CA10: variants seen among roughly 807,000 people sequenced by gnomAD.
CA10 encodes carbonic anhydrase-related protein 10.
A neutral mutation model predicts 44.2 loss-of-function variants in CA10; 14 were observed. The ratio of observed to expected loss-of-function variants is 0.32; its 90% CI spans 0.21 to 0.50. The LOEUF is 0.50. Ranked by LOEUF, CA10 falls within the 20% of genes least tolerant of loss-of-function variation. The pLI, the probability that CA10 is intolerant of heterozygous loss-of-function variation, is 0.99. For missense variants in CA10, 350 were observed against 409.7 expected (o/e 0.85, Z 1.26); for synonymous variants, 159 against 141.6 (o/e 1.12, Z -0.87).
chr17:52,038,905 TATATTTCAAGAA>T (rs1420705524), intron 2 of CA10, among the ~76,000 whole-genome samples: 1 of 152,200 alleles, frequency 6.6e-6, no homozygotes, highest in Non-Finnish European at 1.5e-5. Context: ...AATAACATGG[TATATTTCAAGAA>T]GTATTTCAAA....
chr17:51,929,931 A>G (rs1267803295), intron 3 of CA10, among the ~76,000 whole-genome samples: 1 of 152,186 alleles, frequency 6.6e-6, no homozygotes, highest in Non-Finnish European at 1.5e-5. Context: ...ACCACATGCA[A>G]TGTCTTTTAA....
chr17:51,917,623 A>G lies in CA10; in HGVS notation c.279+13367T>C, dbSNP rs1159604707. ...GAAAAAGTGTCAGCAGACAAGTCAC[A>G]TGGCAAAAGCAGGAACAAGAGCCAG... On this transcript the variant is annotated intron_variant, in intron 3 of 8. Transcript: ENST00000451037. Among the ~76,000 whole-genome samples the G allele has an allele frequency of 3.9e-5, 6 of 152,336 alleles. No homozygotes were observed. The East Asian group carries it at 9.7e-4, about 25-fold the overall frequency.
At chr17:51,909,172 G>C (rs1019048702) in intron 3 of CA10, among the ~76,000 whole-genome samples, 4 of 152,108 alleles carry the variant, frequency 2.6e-5, no homozygotes, top group Non-Finnish European at 4.4e-5. Flanking sequence ...GAAGGTGAAA[G>C]GTGTACTGAG....
chr17:51,643,937 A>C (rs1047932180), intron 6 of CA10, among the ~76,000 whole-genome samples: 3 of 152,192 alleles, frequency 2.0e-5, no homozygotes, highest in African/African-American at 7.2e-5. Context: ...GGTGTTTAGA[A>C]GCTTGCTTAA....
intron 4 of CA10, among the ~76,000 whole-genome samples, chr17:51,665,784 A>T (rs67801645): frequency 0.13 from 20,042 of 152,288 alleles, 1,710 homozygotes; most frequent in Non-Finnish European, 0.18. Context: ...GTCTTAGGGG[A>T]CCACTGTCAC....
chr17:51,778,387 G>A (rs1355389599), intron 3 of CA10, among the ~76,000 whole-genome samples: 1 of 152,148 alleles, frequency 6.6e-6, no homozygotes, highest in Non-Finnish European at 1.5e-5. Flanking sequence ...AGTCAAGCTT[G>A]GTCAGCTGGC....
intron 6 of CA10, among the ~76,000 whole-genome samples, chr17:51,642,228 T>C (rs1913119339): frequency 6.6e-6 from 1 of 152,192 alleles, no homozygotes; most frequent in Non-Finnish European, 1.5e-5. Flanking sequence ...GCGTTTTGCA[T>C]TCTGTGAAAG....
intron 3 of CA10, among the ~76,000 whole-genome samples, chr17:51,756,064 AT>A (rs5820877): frequency 0.23 from 34,668 of 147,908 alleles, 3,943 homozygotes; most frequent in Admixed American, 0.29. Context: ...TCTTCAGCAG[AT>A]TTTTTTTTTT....
At chr17:52,042,854 T>A (rs1010738236) in intron 2 of CA10, among the ~76,000 whole-genome samples, 2 of 152,058 alleles carry the variant, frequency 1.3e-5, no homozygotes, top group Admixed American at 1.3e-4. Flanking sequence ...TAAGAAACTA[T>A]CCTTTCCCTG....
At chr17:51,926,850 C>A (rs1567888138) in intron 3 of CA10, among the ~76,000 whole-genome samples, 2 of 152,152 alleles carry the variant, frequency 1.3e-5, no homozygotes, top group African/African-American at 2.4e-5. Flanking sequence ...TTTAGAAGTC[C>A]TGTGGATTAA....
At chr17:52,011,984 G>A (rs536610611) in intron 2 of CA10, among the ~76,000 whole-genome samples, 1 of 152,132 alleles carries the variant, frequency 6.6e-6, no homozygotes, top group South Asian at 2.1e-4. Context: ...CAGCAGTGAA[G>A]GTGAGTGCAA....
intron 3 of CA10, among the ~76,000 whole-genome samples, chr17:51,909,692 C>T (rs189377984): frequency 6.6e-6 from 1 of 152,208 alleles, no homozygotes; most frequent in East Asian, 1.9e-4. Flanking sequence ...GGAGGCTCAG[C>T]TTTTTATAAT....
At chr17:51,799,703 A>C (rs1906852300) in intron 3 of CA10, among the ~76,000 whole-genome samples, 1 of 152,228 alleles carries the variant, frequency 6.6e-6, no homozygotes, top group Non-Finnish European at 1.5e-5. Flanking sequence ...AGTTTGTTGC[A>C]AAAACTGAGT....
chr17:51,647,059 G>A (rs1464840292), intron 6 of CA10, among the ~76,000 whole-genome samples: 6 of 151,976 alleles, frequency 3.9e-5, no homozygotes, highest in Non-Finnish European at 5.9e-5. Context: ...ATGGGGGTCA[G>A]AAGGAGAGGG....
chr17:52,035,632 C>T (rs1986594801), intron 2 of CA10, among the ~76,000 whole-genome samples: 1 of 152,236 alleles, frequency 6.6e-6, no homozygotes, highest in Non-Finnish European at 1.5e-5. Flanking sequence ...TGTAACACAT[C>T]ATCTGGGGCT....
At chr17:51,668,714 C>T (rs781779677) in intron 4 of CA10, among the ~76,000 whole-genome samples, 2 of 152,178 alleles carry the variant, frequency 1.3e-5, no homozygotes, top group Non-Finnish European at 2.9e-5. Flanking sequence ...CTGTGGGAGC[C>T]CCTCTCTGGG....
At chr17:52,108,943 TA>T (rs796471458) in intron 1 of CA10, among the ~76,000 whole-genome samples, 7 of 151,636 alleles carry the variant, frequency 4.6e-5, no homozygotes, top group Admixed American at 2.6e-4. Flanking sequence ...AAACTTTTTT[TA>T]AAAAAAAGTG....
intron 2 of CA10, among the ~76,000 whole-genome samples, chr17:51,954,429 G>A (rs1983592707): frequency 6.6e-6 from 1 of 152,166 alleles, no homozygotes; most frequent in Admixed American, 6.6e-5. Flanking sequence ...CATAAAATAT[G>A]AACAAATGAA....
intron 3 of CA10, among the ~76,000 whole-genome samples, chr17:51,837,156 G>T (rs1322027590): frequency 6.6e-6 from 1 of 152,036 alleles, no homozygotes; most frequent in East Asian, 1.9e-4. Context: ...TGAAAAGATT[G>T]AGGTTAGTGC....
Sources: gnomAD v4.1 joint callset for allele counts (sites outside exome capture counted in the v4.1 genomes callset) on GRCh38, gnomAD v4.1.1 for gene constraint, MANE v1.5 for transcripts, NCBI Gene and HGNC (gene_info 2026-07-23, HGNC 2026-07-21) for gene names.